The following CSMD3 variants were observed in gnomAD, a reference collection of about 807,000 sequenced individuals.
CSMD3 encodes CUB and Sushi multiple domains 3.
A neutral mutation model predicts 435.2 loss-of-function variants in CSMD3; 177 were observed. The ratio of observed to expected loss-of-function variants is 0.41; its 90% CI spans 0.36 to 0.46. The LOEUF (loss-of-function observed/expected upper bound fraction) is 0.46, where lower values mean the gene tolerates loss of function less well. Ranked by LOEUF, CSMD3 falls within the 20% of genes least tolerant of loss-of-function variation. CSMD3 has a pLI of 0.34. For synonymous variants in CSMD3, 1,656 were observed against 1,520.5 expected (o/e 1.09, Z -2.07); for missense variants, 4,265 against 4,504.6 (o/e 0.95, Z 1.52).
Position 112,895,291 on chromosome 8 carries a change from G to C in CSMD3, c.1633+26336C>G, listed in dbSNP as rs115755176. On this transcript the variant is annotated intron_variant, in intron 10 of 70. Transcript: ENST00000297405. ...GCAGAAATTTTTTAAAGGGCAAAAC[G>C]AATAATTAGAATAGGTAGATATTTC... Among the ~76,000 whole-genome samples the C allele has an allele frequency of 1.4e-3, 205 of 151,332 alleles. 1 individual carries two copies. The highest frequency in any genetic ancestry group is 4.6e-4 in the Non-Finnish European group (31 of 67,620).
intron 32 of CSMD3, 62 bp from the exon 33 acceptor site, chr8:112,409,094 A>AACAAAAAAAT: frequency 1.9e-6 from 3 of 1,610,886 alleles, no homozygotes; most frequent in Non-Finnish European, 1.7e-6. Flanking sequence ...GAAAACAAAA[A>AACAAAAAAAT]ACAAAAAAAT....
At chr8:112,389,823 T>G (rs1830267479) in intron 36 of CSMD3, among the ~76,000 whole-genome samples, 1 of 152,188 alleles carries the variant, frequency 6.6e-6, no homozygotes. Flanking sequence ...TATATACTGA[T>G]TCTGCAGTAA....
At chr8:113,184,928 C>CT (rs1268150284) in intron 3 of CSMD3, among the ~76,000 whole-genome samples, 2 of 152,142 alleles carry the variant, frequency 1.3e-5, no homozygotes, top group Admixed American at 6.6e-5. Flanking sequence ...ACTCTTTCTC[C>CT]TTTTTTCCAT....
chr8:112,804,490 T>C (rs2079032920), intron 12 of CSMD3, among the ~76,000 whole-genome samples: 3 of 151,580 alleles, frequency 2.0e-5, no homozygotes. Context: ...GAAAAGAGAA[T>C]CCAGAGGATA....
chr8:112,610,731 T>C (rs1233422302), intron 22 of CSMD3, among the ~76,000 whole-genome samples: 1 of 152,176 alleles, frequency 6.6e-6, no homozygotes, highest in Non-Finnish European at 1.5e-5. Flanking sequence ...AAAGTGTCTA[T>C]GCCTGACTGC....
intron 31 of CSMD3, among the ~76,000 whole-genome samples, chr8:112,478,100 T>C (rs1819249135): frequency 6.6e-6 from 1 of 152,198 alleles, no homozygotes; most frequent in Admixed American, 6.5e-5. Context: ...GACTTGCTCC[T>C]CCTTACCTTC....
At chr8:112,953,108 G>A (rs926173405) in intron 8 of CSMD3, among the ~76,000 whole-genome samples, 5 of 151,418 alleles carry the variant, frequency 3.3e-5, no homozygotes, top group Admixed American at 6.6e-5. Flanking sequence ...TAACATACGT[G>A]TAGACAAATT....
intron 64 of CSMD3, among the ~76,000 whole-genome samples, chr8:112,244,880 C>T (rs1182750397): frequency 1.3e-5 from 2 of 151,960 alleles, no homozygotes; most frequent in African/African-American, 2.4e-5. Context: ...TTTAGAGAGT[C>T]ACACATTCCA....
At chr8:112,322,669 G>A (rs543596630) in intron 45 of CSMD3, among the ~76,000 whole-genome samples, 1 of 151,996 alleles carries the variant, frequency 6.6e-6, no homozygotes, top group African/African-American at 2.4e-5. Flanking sequence ...TATATTGCCA[G>A]GCTAAACATC....
chr8:113,298,813 A>C (rs1460066799), intron 2 of CSMD3, among the ~76,000 whole-genome samples: 1 of 152,136 alleles, frequency 6.6e-6, no homozygotes, highest in Non-Finnish European at 1.5e-5. Context: ...AAAGGATAGC[A>C]AACAGTAGAG....
chr8:112,405,193 A>AG (rs1831673605), intron 35 of CSMD3, among the ~76,000 whole-genome samples: 1 of 37,584 alleles, frequency 2.7e-5, no homozygotes, highest in Non-Finnish European at 5.4e-5. Context: ...CAAAAAAAAA[A>AG]AAAAAAAAAA....
chr8:113,317,654 T>C (rs2132688347), intron 1 of CSMD3, among the ~76,000 whole-genome samples: 1 of 152,292 alleles, frequency 6.6e-6, no homozygotes, highest in South Asian at 2.1e-4. Flanking sequence ...TATTTTACTT[T>C]AAAAATTTGA....
intron 13 of CSMD3, among the ~76,000 whole-genome samples, chr8:112,741,558 C>T (rs1418046639): frequency 2.6e-5 from 4 of 151,788 alleles, no homozygotes; most frequent in Non-Finnish European, 5.9e-5. Flanking sequence ...GCCCAAAGGG[C>T]CCACCTCCTA....
chr8:113,186,914 T>C (rs2092511895), intron 3 of CSMD3, among the ~76,000 whole-genome samples: 1 of 151,862 alleles, frequency 6.6e-6, no homozygotes, highest in Non-Finnish European at 1.5e-5. Context: ...AATGAAGAAT[T>C]TGTCCCTACC....
chr8:112,470,207 T>C (rs756626805), intron 32 of CSMD3, among the ~76,000 whole-genome samples: 12 of 152,224 alleles, frequency 7.9e-5, no homozygotes, highest in Non-Finnish European at 1.6e-4. Flanking sequence ...TTTCATGCTT[T>C]AACTAAATAA....
At chr8:112,928,740 A>G (rs542834669) in intron 9 of CSMD3, among the ~76,000 whole-genome samples, 1 of 150,478 alleles carries the variant, frequency 6.6e-6, no homozygotes, top group East Asian at 1.9e-4. Flanking sequence ...TAATGCCGCA[A>G]TAAACATACA....
At chr8:113,236,516 CTCTCTA>C (rs1049920002) in intron 3 of CSMD3, among the ~76,000 whole-genome samples, 1 of 152,042 alleles carries the variant, frequency 6.6e-6, no homozygotes, top group African/African-American at 2.4e-5. Flanking sequence ...CTCTCTGTCT[CTCTCTA>C]TCTCTCTCTC....
chr8:112,872,557 G>A (rs2081166264), intron 10 of CSMD3, among the ~76,000 whole-genome samples: 1 of 151,876 alleles, frequency 6.6e-6, no homozygotes, highest in East Asian at 1.9e-4. Flanking sequence ...AAAAAAGTAA[G>A]CAAATTCATT....
At chr8:113,055,864 T>C (rs2088311496) in intron 5 of CSMD3, among the ~76,000 whole-genome samples, 1 of 152,148 alleles carries the variant, frequency 6.6e-6, no homozygotes, top group Admixed American at 6.5e-5. Context: ...CTCTTAAAGT[T>C]TGAAGATGAA....
Sources: gnomAD v4.1 joint callset for allele counts (sites outside exome capture counted in the v4.1 genomes callset) on GRCh38, gnomAD v4.1.1 for gene constraint, MANE v1.5 for transcripts, NCBI Gene and HGNC (gene_info 2026-07-23, HGNC 2026-07-21) for gene names.